The following MID1 variants were observed in gnomAD, a reference collection of about 807,000 sequenced individuals.
MID1 encodes midline 1, also known as E3 ubiquitin-protein ligase Midline-1.
Under a neutral mutation model 40.4 loss-of-function variants are expected in MID1, and 7 were observed. The ratio of observed to expected loss-of-function variants is 0.17; its 90% CI spans 0.10 to 0.33. MID1 has a LOEUF of 0.33. Ranked by LOEUF, MID1 falls within the 10% of genes least tolerant of loss-of-function variation. The pLI is 1.00. For missense variants in MID1, 367 were observed against 558.5 expected, an observed-to-expected ratio of 0.66 and a Z score of 3.46; for synonymous variants, 229 against 221.2, an observed-to-expected ratio of 1.04 and a Z score of -0.31.
chrX:10,707,785 T>A (rs2043241334), intron 1 of MID1, among the ~76,000 whole-genome samples: 1 of 112,193 alleles, frequency 8.9e-6, no homozygotes, highest in African/African-American at 3.2e-5. Context: ...AGAGTTCATG[T>A]CCCCCAGCAC....
intron 2 of MID1, among the ~76,000 whole-genome samples, chrX:10,544,019 A>T (rs574712939): frequency 1.4e-3 from 155 of 110,902 alleles, no homozygotes; most frequent in Middle Eastern, 0.014. Context: ...AATACAAACA[A>T]ACAAACAAAA....
At chrX:10,487,900 C>T (rs1930707670) in intron 4 of MID1, among the ~76,000 whole-genome samples, 1 of 110,659 alleles carries the variant, frequency 9.0e-6, no homozygotes, top group Non-Finnish European at 1.9e-5. Flanking sequence ...ATTGTTTACC[C>T]ATTCATCTGT....
intron 1 of MID1, among the ~76,000 whole-genome samples, chrX:10,779,544 G>A (rs1157282153): frequency 8.9e-6 from 1 of 112,131 alleles, no homozygotes; most frequent in African/African-American, 3.2e-5. Context: ...TGTCAGAAAA[G>A]TTAAGTCTAT....
intron 1 of MID1, among the ~76,000 whole-genome samples, chrX:10,716,603 AAGTTGGAAAACACTCTGCAGG>A (rs1447221630): frequency 8.9e-6 from 1 of 112,101 alleles, no homozygotes; most frequent in Non-Finnish European, 1.9e-5. Flanking sequence ...GAATGGAACC[AAGTTGGAAAACACTCTGCAGG>A]ATATTATCCA....
At chrX:10,797,068 T>C (rs1446943519) in intron 1 of MID1, among the ~76,000 whole-genome samples, 1 of 109,440 alleles carries the variant, frequency 9.1e-6, no homozygotes, top group African/African-American at 3.5e-5. Flanking sequence ...TAAACAAAGA[T>C]ACATCTATCA....
chrX:10,705,513 C>A (rs1384901317), intron 1 of MID1, among the ~76,000 whole-genome samples: 1 of 111,957 alleles, frequency 8.9e-6, no homozygotes, highest in African/African-American at 3.2e-5. Context: ...TGAGACCATG[C>A]GCATCTTTAA....
intron 8 of MID1, among the ~76,000 whole-genome samples, chrX:10,456,623 G>A (rs1928686230): frequency 2.7e-5 from 3 of 112,004 alleles, no homozygotes. Flanking sequence ...GATTGCCTGA[G>A]GTCAGGAGTT....
chrX:10,530,286 T>C (rs1391516065), intron 2 of MID1, among the ~76,000 whole-genome samples: 1 of 112,076 alleles, frequency 8.9e-6, no homozygotes. Flanking sequence ...GATTTTTTCA[T>C]AGTGCTCTTA....
At position 10,514,407 on chromosome X, in the gene MID1, T is replaced by C. The variant is rs776341513; in HGVS notation, c.756+8685A>G. Among the ~76,000 whole-genome samples the C allele has an allele frequency of 6.2e-5, 7 of 112,293 alleles. No homozygotes were observed. In the South Asian group the frequency reaches 2.2e-3, roughly 36 times the overall value. ...TTTGCTGATATCTTCTCATTACTCC[T>C]TATGAATATGCCCAAGAAAGAAACA... On this transcript the variant is annotated intron_variant, in intron 3 of 9. Transcript: ENST00000317552.
chrX:10,777,432 C>T (rs1298020057), intron 1 of MID1, among the ~76,000 whole-genome samples: 1 of 109,953 alleles, frequency 9.1e-6, no homozygotes, highest in East Asian at 2.9e-4. Context: ...CTCCTGACCT[C>T]GTGATTCGCC....
intron 1 of MID1, among the ~76,000 whole-genome samples, chrX:10,669,706 T>G (rs767181223): frequency 8.9e-6 from 1 of 112,349 alleles, no homozygotes; most frequent in Admixed American, 9.5e-5. Flanking sequence ...ATGGTATAAA[T>G]CTCATATTTT....
chrX:10,577,914 A>G (rs922311000), intron 1 of MID1, among the ~76,000 whole-genome samples: 11 of 111,598 alleles, frequency 9.9e-5, no homozygotes, highest in African/African-American at 2.9e-4. Context: ...AAGTAAAGTA[A>G]ATCATCAGGA....
rs746246279 is a variant in MID1, at chrX:10,597,532, GCAAACAAA to G, written c.-57+22750_-57+22757del. 1.3e-4 allele frequency among the ~76,000 whole-genome samples: 15 copies of G among 111,421 alleles called. No individual in the cohort carries two copies. The Admixed American group carries it at 1.4e-3, about 11-fold the overall frequency. The stretch of plus-strand genomic sequence containing the variant: ...AGAGCGAGAAAACTAGTTCTCAGTG[GCAAACAAA>G]CAAACAAACAAACAAAAAACCTTAC... On this transcript the variant is annotated intron_variant, in intron 1 of 9. Transcript: ENST00000317552.
intron 3 of MID1, among the ~76,000 whole-genome samples, chrX:10,515,549 T>C (rs770739278): frequency 8.9e-6 from 1 of 112,086 alleles, no homozygotes; most frequent in African/African-American, 3.2e-5. Flanking sequence ...AGAAAAATAA[T>C]GGCAAAAAGA....
intron 2 of MID1, among the ~76,000 whole-genome samples, chrX:10,562,673 T>G (rs189067021): frequency 3.8e-5 from 4 of 105,998 alleles, no homozygotes; most frequent in Non-Finnish European, 5.7e-5. Flanking sequence ...GATAAGACTC[T>G]TCCCACAAAA....
In MID1 at chrX:10,449,123, C is replaced by A; in HGVS notation, c.*245G>T. The A allele has an allele frequency of 3.0e-6, 1 of 328,267 alleles. No homozygotes were observed. Among genetic ancestry groups the A allele is most frequent in the Non-Finnish European group, 5.3e-6 (1 of 189,098 alleles). The allele number at this position is 328,267 out of a possible 1,213,427, so 27.1% of individuals were successfully genotyped here. On this transcript the variant is annotated 3_prime_UTR_variant, in exon 10 of 10. Coordinates refer to ENST00000317552, the MANE Select transcript of MID1 (RefSeq NM_000381.4). Reference sequence around the variant, plus strand: ...AAAAGTTGTAATCCTGATTATGTTTCTCTTATAAATAATCTATAGATTTTC... The same window carrying A: ...AAAAGTTGTAATCCTGATTATGTTTATCTTATAAATAATCTATAGATTTTC...
intron 1 of MID1, among the ~76,000 whole-genome samples, chrX:10,746,755 C>A (rs1313017624): frequency 9.1e-6 from 1 of 110,149 alleles, no homozygotes; most frequent in Non-Finnish European, 1.9e-5. Context: ...TTTGAACAGG[C>A]ATTTTGGATC....
chrX:10,482,087 G>A (rs1326367259), intron 5 of MID1, among the ~76,000 whole-genome samples: 1 of 111,595 alleles, frequency 9.0e-6, no homozygotes. Context: ...GCCCTGTGAT[G>A]GAAGAAAATA....
chrX:10,816,794 A>G (rs2044138459), intron 1 of MID1, among the ~76,000 whole-genome samples: 1 of 112,244 alleles, frequency 8.9e-6, no homozygotes, highest in Non-Finnish European at 1.9e-5. Flanking sequence ...ATCATTACCT[A>G]TAAAATGGAA....
Sources: allele counts gnomAD v4.1 joint callset (sites outside exome capture counted in the v4.1 genomes callset), GRCh38; gene constraint gnomAD v4.1.1; transcripts MANE v1.5; gene names NCBI Gene and HGNC (gene_info 2026-07-23, HGNC 2026-07-21).